GIT2: variants seen among roughly 807,000 people sequenced by gnomAD.
The protein encoded by GIT2 is GIT ArfGAP 2, also known as ARF GTPase-activating protein GIT2.
A neutral mutation model predicts 100.3 loss-of-function variants in GIT2; 32 were observed. The observed-to-expected ratio is 0.32, with a 90% CI of 0.24 to 0.43. The LOEUF (loss-of-function observed/expected upper bound fraction) is 0.43, where lower values mean the gene tolerates loss of function less well. Among genes scored for constraint, GIT2 ranks in the 20% least tolerant of loss-of-function variants. GIT2 has a pLI of 1.00. For missense variants in GIT2, 737 were observed against 975.1 expected, an observed-to-expected ratio of 0.76 and a Z score of 3.25; for synonymous variants, 353 against 364.1, an observed-to-expected ratio of 0.97 and a Z score of 0.35.
chr12:109,955,933 C>CT (rs555382794), intron 12 of GIT2, among the ~76,000 whole-genome samples: 13,372 of 138,770 alleles, frequency 0.096, 614 homozygotes, highest in Middle Eastern at 0.15. Flanking sequence ...CAGGTGTGCA[C>CT]TTTTTTTTTT....
chr12:109,946,893 C>T (rs932293991), intron 15 of GIT2, among the ~76,000 whole-genome samples: 5 of 152,140 alleles, frequency 3.3e-5, no homozygotes, highest in Non-Finnish European at 5.9e-5. Context: ...GCAACACTTC[C>T]TTCTGAGAGT....
At chr12:109,979,264 G>C (rs1885781637) in intron 7 of GIT2, among the ~76,000 whole-genome samples, 1 of 135,352 alleles carries the variant, frequency 7.4e-6, no homozygotes, top group Non-Finnish European at 1.6e-5. Flanking sequence ...TCTTTAACCA[G>C]AAAAAGGCTT....
At chr12:109,956,820 T>C (rs1004020595) in intron 12 of GIT2, among the ~76,000 whole-genome samples, 15 of 151,994 alleles carry the variant, frequency 9.9e-5, no homozygotes, top group African/African-American at 3.4e-4. Context: ...AATTCGAGAA[T>C]AGCCTGGCCA....
intron 7 of GIT2, among the ~76,000 whole-genome samples, chr12:109,968,352 A>G (rs1315685564): frequency 6.6e-6 from 1 of 151,256 alleles, no homozygotes; most frequent in Admixed American, 6.6e-5. Context: ...TTTTTTTGCC[A>G]TCCCATATCT....
intron 12 of GIT2, among the ~76,000 whole-genome samples, chr12:109,956,166 G>A (rs1241957195): frequency 6.6e-6 from 1 of 152,042 alleles, no homozygotes; most frequent in African/African-American, 2.4e-5. Context: ...TCCTGACCTC[G>A]TGATCAGCCC....
At position 109,933,020 on chromosome 12, in the gene GIT2, G is replaced by C; in HGVS notation, c.2238C>G (p.Ala746=). The C allele has an allele frequency of 6.2e-7, 1 of 1,613,374 alleles. No individual in the cohort carries two copies. Among genetic ancestry groups the C allele is most frequent in the Non-Finnish European group, 8.5e-7 (1 of 1,179,394 alleles). Residue 746 remains alanine, a synonymous_variant, in exon 20 of 20, where the codon GCC becomes GCG. Coordinates refer to ENST00000355312, the MANE Select transcript of GIT2 (RefSeq NM_057169.5). The surrounding 1 kb of genome is among the most constrained non-coding windows in gnomAD (Gnocchi z 4.5). ...TGGTGGTGATGGTAACCAGCTGCTT[G>C]GCAGCCTTGGCGATGTCGTACGCAC... is the stretch of plus-strand genomic sequence containing the variant. ...IQCAYDIAKA[A]KQLVTITTKE...
Position 109,996,358 on chromosome 12 carries a change from A to T in GIT2, c.-134T>A. ...GGCGCCTCTCCCCTCAGCGCCTTGC[A>T]GCCTTGGCACAGCACGCACGCGCGG... On this transcript the variant is annotated 5_prime_UTR_variant, in exon 1 of 20. Transcript: ENST00000355312. 2 of 616,330 alleles carry T rather than the reference A, an allele frequency of 3.2e-6. No individual in the cohort carries two copies. Among genetic ancestry groups the T allele is most frequent in the African/African-American group, 3.9e-5 (2 of 51,082 alleles). The allele number at this position is 616,330 out of a possible 1,614,324, so 38.2% of individuals were successfully genotyped here.
intron 7 of GIT2, among the ~76,000 whole-genome samples, chr12:109,977,473 T>C (rs1885341539): frequency 6.6e-6 from 1 of 152,150 alleles, no homozygotes; most frequent in South Asian, 2.1e-4. Flanking sequence ...ATCACGCCAC[T>C]GCACTCCAGC....
intron 10 of GIT2, 57 bp downstream of exon 10, chr12:109,961,556 A>G: frequency 1.7e-6 from 2 of 1,146,724 alleles, no homozygotes; most frequent in Non-Finnish European, 2.7e-6. Flanking sequence ...TGAGCCTGGC[A>G]GCTTTTCACT....
Position 109,959,085 on chromosome 12 carries a change from T to G in GIT2, c.1099+762A>C, listed in dbSNP as rs764950716. Among the ~76,000 whole-genome samples, 991 of 151,808 alleles carry G rather than the reference T, an allele frequency of 6.5e-3. 6 individuals are homozygous for G. The highest frequency in any genetic ancestry group is 0.01 in the Middle Eastern group (3 of 292). On this transcript the variant is annotated intron_variant, in intron 12 of 19. Coordinates refer to ENST00000355312, the MANE Select transcript of GIT2 (RefSeq NM_057169.5). ...TTTCTTTTCCGTTTTTTTTTTTTTT[T>G]GAAACAGAGTCTTGCTCTGTCACTC...
intron 4 of GIT2, among the ~76,000 whole-genome samples, chr12:109,988,411 A>G (rs910003509): frequency 6.6e-6 from 1 of 152,012 alleles, no homozygotes; most frequent in Non-Finnish European, 1.5e-5. Flanking sequence ...GGGTATGGTA[A>G]TGCGCCTGTA....
At position 109,964,620 on chromosome 12, in the gene GIT2, G is replaced by GACACACACACACACACAC. The variant is rs58007337; in HGVS notation, c.816+888_816+905dup. ...TGGCCTCAGAGGGTGTTAATCTAAA[G>GACACACACACACACACAC]ACACACACACACACACACACACACA... On this transcript the variant is annotated intron_variant, in intron 9 of 19. Transcript: ENST00000355312. Among the ~76,000 whole-genome samples, 37 of 119,058 alleles carry GACACACACACACACACAC rather than the reference G, an allele frequency of 3.1e-4. 1 individual carries two copies. The highest frequency in any genetic ancestry group is 1.4e-3 in the East Asian group (5 of 3,476). The allele number at this position is 119,058 out of a possible 152,430, so 78.1% of individuals were successfully genotyped here. A position where few individuals can be genotyped will look rare whatever the true frequency, so the allele number is the denominator to read the frequency against.
chr12:109,983,319 T>G (rs566828283), intron 6 of GIT2, 54 bp downstream of exon 6: 1 of 1,555,438 alleles, frequency 6.4e-7, no homozygotes, highest in East Asian at 2.2e-5. Flanking sequence ...TAACAAGGAA[T>G]CACACCCAAC....
chr12:109,949,216 C>CAGAA (rs1479264074), intron 14 of GIT2, among the ~76,000 whole-genome samples: 3 of 152,210 alleles, frequency 2.0e-5, no homozygotes, highest in Non-Finnish European at 4.4e-5. Flanking sequence ...CATGAAGTGC[C>CAGAA]TGTTGAAACT....
intron 7 of GIT2, among the ~76,000 whole-genome samples, chr12:109,973,431 G>A (rs1884388562): frequency 1.3e-5 from 2 of 152,020 alleles, no homozygotes; most frequent in Non-Finnish European, 2.9e-5. Context: ...ATGAGCCATC[G>A]CGCCCGGTCT....
chr12:109,936,133 A>G (rs9888377), intron 18 of GIT2, among the ~76,000 whole-genome samples: 27,551 of 152,074 alleles, frequency 0.18, 4,861 homozygotes, highest in African/African-American at 0.47. Context: ...GATGATAAAT[A>G]AAAGCATCTT....
intron 11 of GIT2, 23 bp downstream of exon 11, chr12:109,961,255 C>G (rs1331685577): frequency 7.5e-7 from 1 of 1,338,076 alleles, no homozygotes; most frequent in African/African-American, 1.4e-5. Flanking sequence ...AACTACTATT[C>G]CTTTCCAAAC....
At position 109,932,563 on chromosome 12, in the gene GIT2, G is replaced by A. The variant is rs924609599; in HGVS notation, c.*415C>T. ...CACTTATTGCACGATGCTTGGCAGG[G>A]AACAAATGACGCTGATTTTTTCTTT... On this transcript the variant is annotated 3_prime_UTR_variant, in exon 20 of 20. Coordinates refer to ENST00000355312, the MANE Select transcript of GIT2 (RefSeq NM_057169.5). The A allele has an allele frequency of 5.8e-6, 1 of 172,848 alleles. No individual in the cohort carries two copies. The highest frequency in any genetic ancestry group is 1.2e-5 in the Non-Finnish European group (1 of 80,258). The allele number at this position is 172,848 out of a possible 1,614,324, so 10.7% of individuals were successfully genotyped here. A position where few individuals can be genotyped will look rare whatever the true frequency, so the allele number is the denominator to read the frequency against.
rs1872310716 is a variant in GIT2, at chr12:109,934,023, T to C, written c.2066A>G (p.Lys689Arg). ...CCAAGTGAGTAGGAAGTGACTTACTTTGGGGAATAATGCTGCCATTTCTGT... is the reference window on the plus strand; with the variant it reads ...CCAAGTGAGTAGGAAGTGACTTACTCTGGGGAATAATGCTGCCATTTCTGT... ...AVTEMAALFPKKPKSDMVRTS... is the reference protein window; with the variant it reads ...AVTEMAALFPRKPKSDMVRTS... Residue 689 changes from lysine to arginine, a missense_variant and splice_region_variant, in exon 19 of 20, where the codon AAA (lysine) becomes AGA (arginine). Around this residue, in one of 3 missense-constraint regions of GIT2, gnomAD observed 451 missense variants for 543.7 expected, o/e 0.83. Transcript: ENST00000355312. This position sits in a 1 kb window ranked among gnomAD's most constrained non-coding sequence, Gnocchi z 4.5. 6.6e-7 allele frequency: 1 copy of C among 1,525,084 alleles called. No individual in the cohort carries two copies. Among genetic ancestry groups the C allele is most frequent in the Non-Finnish European group, 9.1e-7 (1 of 1,098,928 alleles). The allele number at this position is 1,525,084 out of a possible 1,614,324, so 94.5% of individuals were successfully genotyped here. A position where few individuals can be genotyped will look rare whatever the true frequency, so the allele number is the denominator to read the frequency against.
Sources: allele counts gnomAD v4.1 joint callset (sites outside exome capture counted in the v4.1 genomes callset), GRCh38; gene constraint gnomAD v4.1.1; regional missense constraint gnomAD v4.1.1; non-coding constraint Gnocchi (gnomAD v3.1); transcripts MANE v1.5; gene names NCBI Gene and HGNC (gene_info 2026-07-23, HGNC 2026-07-21).